The following PFKFB3 variants were observed in gnomAD, a reference collection of about 807,000 sequenced individuals.
PFKFB3 encodes the protein 6-phosphofructo-2-kinase/fructose-2,6-bisphosphatase 3.
In PFKFB3, 33 loss-of-function variants were observed where a neutral mutation model predicts 68.0. The ratio of observed to expected loss-of-function variants is 0.49; its 90% CI spans 0.37 to 0.65. PFKFB3 has a LOEUF of 0.65. PFKFB3 is among the 30% of genes least tolerant of loss of function. The probability of loss-of-function intolerance (pLI) is 0.00; values close to 1 mark genes in which losing one functional copy is unlikely to be tolerated. For missense variants in PFKFB3, 586 were observed against 712.2 expected (o/e 0.82, Z 2.02); for synonymous variants, 315 against 288.2 (o/e 1.09, Z -0.94).
Position 6,189,202 on chromosome 10 carries a change from C to A in PFKFB3, c.17-24421C>A, listed in dbSNP as rs141629656. ...AAATTCCACATTTGGCTCATGCATT[C>A]CATCTGTCGATGGACACTTTGGTTG... On this transcript the variant is annotated intron_variant, in intron 1 of 14. Transcript: ENST00000379789. Among the ~76,000 whole-genome samples the A allele has an allele frequency of 9.0e-4, 137 of 152,312 alleles. 1 individual carries two copies. Among genetic ancestry groups the A allele is most frequent in the African/African-American group, 3.2e-3 (131 of 41,566 alleles).
At chr10:6,240,421 C>T (rs779232450), downstream of PFKFB3, among the ~76,000 whole-genome samples, 36 of 151,754 alleles carry the variant, frequency 2.4e-4, no homozygotes, top group East Asian at 7.8e-4. Flanking sequence ...CCCGCCTCCA[C>T]GCCCAGATAA....
intron 1 of PFKFB3, among the ~76,000 whole-genome samples, chr10:6,156,105 G>A (rs180782745): frequency 6.8e-6 from 1 of 147,978 alleles, no homozygotes; most frequent in East Asian, 2.0e-4. Flanking sequence ...CCAAAGAAGA[G>A]ATATTATATA....
At chr10:6,278,460 A>G in the PFKFB3 span, among the ~76,000 whole-genome samples, 2 of 151,902 alleles carry the variant, frequency 1.3e-5, no homozygotes, top group Non-Finnish European at 2.9e-5. Flanking sequence ...AATTTTTAGT[A>G]GAGACGGGGT....
the PFKFB3 span, among the ~76,000 whole-genome samples, chr10:6,287,253 C>A: frequency 6.6e-6 from 1 of 152,006 alleles, no homozygotes; most frequent in Non-Finnish European, 1.5e-5. Context: ...TCATGCCCAT[C>A]TAACTTTTGT....
chr10:6,257,855 G>T (rs1209622968), downstream of PFKFB3, among the ~76,000 whole-genome samples: 1 of 152,158 alleles, frequency 6.6e-6, no homozygotes, highest in Non-Finnish European at 1.5e-5. Context: ...CCCCATGCGG[G>T]ACTCTGGAGT....
At position 6,233,371 on chromosome 10, in the gene PFKFB3, C is replaced by G. The variant is rs1845860688; in HGVS notation, c.*429C>G. 1.9e-5 allele frequency: 3 copies of G among 161,370 alleles called. No homozygotes were observed. The highest frequency in any genetic ancestry group is 6.3e-5 in the Admixed American group (1 of 15,804). 10.0% of individuals were successfully genotyped at this position (161,370 alleles called of 1,614,324 possible). A position where few individuals can be genotyped will look rare whatever the true frequency, so the allele number is the denominator to read the frequency against. ...GAATCCTAAAATTAAAGGAGGCAGG[C>G]TCCTAGTTGCTGAAAGTTAAGGAAT... On this transcript the variant is annotated 3_prime_UTR_variant, in exon 15 of 15. Transcript: ENST00000379775.
intron 1 of PFKFB3, among the ~76,000 whole-genome samples, chr10:6,191,402 A>G (rs974544688): frequency 2.6e-5 from 4 of 152,198 alleles, no homozygotes; most frequent in African/African-American, 4.8e-5. Flanking sequence ...GGACTACCCA[A>G]CTTGGTCAAA....
At chr10:6,199,558 C>T (rs1197646977), upstream of PFKFB3, among the ~76,000 whole-genome samples, 1 of 151,018 alleles carries the variant, frequency 6.6e-6, no homozygotes, top group Non-Finnish European at 1.5e-5. Context: ...AATCACAGCT[C>T]ACTGCAACCT....
chr10:6,319,975 G>A, the PFKFB3 span, among the ~76,000 whole-genome samples: 17 of 152,278 alleles, frequency 1.1e-4, no homozygotes, highest in Admixed American at 9.2e-4. Context: ...GAGGCAGGAG[G>A]ATCACTTGAG....
At chr10:6,285,136 T>C in the PFKFB3 span, among the ~76,000 whole-genome samples, 1 of 152,170 alleles carries the variant, frequency 6.6e-6, no homozygotes, top group East Asian at 1.9e-4. Context: ...GGCAGTTTTA[T>C]GTCTAAGGTT....
At position 6,217,119 on chromosome 10, in the gene PFKFB3, A is replaced by G. The variant is rs1844635691; in HGVS notation, c.442-16A>G. 1.9e-6 allele frequency: 3 copies of G among 1,613,368 alleles called. No individual in the cohort carries two copies. Among genetic ancestry groups the G allele is most frequent in the Non-Finnish European group, 2.5e-6 (3 of 1,179,492 alleles). ...GTGGTGTTTGTTTTCTAACATCCCC[A>G]CCTCACTTCCACCAGGCGTTTTTCA... On this transcript the variant is annotated splice_polypyrimidine_tract_variant and intron_variant, in intron 5 of 14. Transcript: ENST00000379775.
Position 6,228,703 on chromosome 10 carries a change from G to A in PFKFB3, c.1515+2338G>A, listed in dbSNP as rs759424889. Reference sequence around the variant, plus strand: ...CTATGGGGAATAGTGGGAGTGTGGTGGGGCCTGAGCTCTGAGCCTCTCCCT... The same window carrying A: ...CTATGGGGAATAGTGGGAGTGTGGTAGGGCCTGAGCTCTGAGCCTCTCCCT... On this transcript the variant is annotated intron_variant, in intron 14 of 14. Transcript: ENST00000379775. This position sits in a 1 kb window ranked among gnomAD's most constrained non-coding sequence, Gnocchi z 4.5. Among the ~76,000 whole-genome samples, 3 of 152,146 alleles carry A rather than the reference G, an allele frequency of 2.0e-5. No individual in the cohort carries two copies. Among genetic ancestry groups the A allele is most frequent in the Non-Finnish European group, 4.4e-5 (3 of 68,034 alleles).
the PFKFB3 span, among the ~76,000 whole-genome samples, chr10:6,309,729 G>A: frequency 2.0e-5 from 3 of 152,002 alleles, no homozygotes; most frequent in Non-Finnish European, 2.9e-5. Context: ...AGGCTGTCTT[G>A]GATTTTTGCT....
At chr10:6,240,910 C>T (rs995280253) in intron 14 of PFKFB3, among the ~76,000 whole-genome samples, 1 of 147,332 alleles carries the variant, frequency 6.8e-6, no homozygotes, top group African/African-American at 2.5e-5. Flanking sequence ...GTAGAATGTT[C>T]TTTTTTTTTT....
At chr10:6,285,421 C>T in the PFKFB3 span, among the ~76,000 whole-genome samples, 4 of 151,854 alleles carry the variant, frequency 2.6e-5, no homozygotes, top group East Asian at 3.9e-4. Flanking sequence ...TTAGTAGAGA[C>T]GGGGTTTTAC....
At chr10:6,232,506 T>A (rs1845808739) in intron 14 of PFKFB3, among the ~76,000 whole-genome samples, 2 of 152,158 alleles carry the variant, frequency 1.3e-5, no homozygotes, top group South Asian at 4.1e-4. Flanking sequence ...GGGCCCTGTG[T>A]GTCCTTGGAG....
intron 1 of PFKFB3, among the ~76,000 whole-genome samples, chr10:6,210,364 GT>G (rs1375867755): frequency 6.8e-5 from 4 of 58,656 alleles, no homozygotes; most frequent in East Asian, 5.1e-4. Context: ...TTGTTTTTTT[GT>G]TTTTTTTTTT....
At position 6,234,515 on chromosome 10, in the gene PFKFB3, C is replaced by T. The variant is rs1321352899; in HGVS notation, c.*1573C>T. The T allele has an allele frequency of 6.6e-6, 1 of 152,264 alleles. No homozygotes were observed. The highest frequency in any genetic ancestry group is 1.5e-5 in the Non-Finnish European group (1 of 68,044). 9.4% of individuals were successfully genotyped at this position (152,264 alleles called of 1,614,324 possible). On this transcript the variant is annotated 3_prime_UTR_variant, in exon 15 of 15. Coordinates refer to ENST00000379775, the MANE Select transcript of PFKFB3 (RefSeq NM_004566.4). ...TTTCATGCTGAACCATTCAAGCCCT[C>T]CCCGCCCGTTGCACCCACTTTGGCT...
the PFKFB3 span, among the ~76,000 whole-genome samples, chr10:6,262,369 G>C: frequency 2.1e-5 from 1 of 47,096 alleles, no homozygotes; most frequent in South Asian, 5.7e-4. Flanking sequence ...CAGGAGAATG[G>C]CGTGAACCCT....
Sources: gnomAD v4.1 joint callset for allele counts (sites outside exome capture counted in the v4.1 genomes callset) on GRCh38, gnomAD v4.1.1 for gene constraint, Gnocchi (gnomAD v3.1) non-coding constraint, MANE v1.5 for transcripts, NCBI Gene and HGNC (gene_info 2026-07-23, HGNC 2026-07-21) for gene names.